KCNIP1: variants seen among roughly 807,000 people sequenced by gnomAD.
KCNIP1 encodes the protein A-type potassium channel modulatory protein KCNIP1.
KCNIP1 carries 18 observed loss-of-function variants against 33.0 expected under a neutral mutation model. The observed-to-expected ratio is 0.55, with a 90% CI of 0.38 to 0.81. The LOEUF is 0.81. Ranked by LOEUF, KCNIP1 falls within the 30% of genes least tolerant of loss-of-function variation. KCNIP1 has a pLI of 0.00. For synonymous variants in KCNIP1, 93 were observed against 98.3 expected (o/e 0.95, Z 0.32); for missense variants, 238 against 271.6 (o/e 0.88, Z 0.87).
At chr5:170,510,817 T>C (rs1241871462) in intron 1 of KCNIP1, among the ~76,000 whole-genome samples, 1 of 151,978 alleles carries the variant, frequency 6.6e-6, no homozygotes, top group Non-Finnish European at 1.5e-5. Flanking sequence ...GATTGCATTA[T>C]GGCTATGAGC....
At chr5:170,435,487 G>A (rs932459473) in intron 1 of KCNIP1, among the ~76,000 whole-genome samples, 1 of 152,230 alleles carries the variant, frequency 6.6e-6, no homozygotes, top group African/African-American at 2.4e-5. Flanking sequence ...CTGGAGAGCG[G>A]GGCTGGACAG....
rs1054536061 is a variant in KCNIP1, at chr5:170,396,809, T to C, written c.88+42845T>C. Among the ~76,000 whole-genome samples the C allele has an allele frequency of 2.0e-4, 30 of 152,200 alleles. 1 individual carries two copies. The highest frequency in any genetic ancestry group is 1.3e-4 in the Admixed American group (2 of 15,288). On this transcript the variant is annotated intron_variant, in intron 1 of 7. Coordinates refer to the KCNIP1 transcript ENST00000377360. ...ATGATAAATGTCTCTTACCAGACCTTAGAAGGTCTGATTAGACTCTTAGTT... is the reference window on the plus strand; with the variant it reads ...ATGATAAATGTCTCTTACCAGACCTCAGAAGGTCTGATTAGACTCTTAGTT...
chr5:170,584,485 G>A (rs373193335), intron 1 of KCNIP1, among the ~76,000 whole-genome samples: 19 of 152,332 alleles, frequency 1.2e-4, no homozygotes, highest in African/African-American at 4.1e-4. Context: ...AAGCCTGAGG[G>A]TCGTGAAAGG....
At chr5:170,697,001 C>T (rs903187927) in intron 1 of KCNIP1, among the ~76,000 whole-genome samples, 5 of 152,068 alleles carry the variant, frequency 3.3e-5, no homozygotes, top group African/African-American at 7.2e-5. Context: ...TCCCTGTACA[C>T]GTAGAATCTG....
chr5:170,551,825 T>A (rs1756648688), intron 1 of KCNIP1, among the ~76,000 whole-genome samples: 1 of 151,752 alleles, frequency 6.6e-6, no homozygotes, highest in African/African-American at 2.4e-5. Flanking sequence ...GTATGTGATG[T>A]TTGAGTGTAC....
chr5:170,603,689 C>T (rs1758786284), intron 1 of KCNIP1, among the ~76,000 whole-genome samples: 1 of 152,088 alleles, frequency 6.6e-6, no homozygotes, highest in South Asian at 2.1e-4. Flanking sequence ...CACAGGGCCA[C>T]ACAAGCAAAG....
chr5:170,460,011 C>A (rs1051604726), intron 1 of KCNIP1, among the ~76,000 whole-genome samples: 3 of 152,098 alleles, frequency 2.0e-5, no homozygotes, highest in Non-Finnish European at 4.4e-5. Flanking sequence ...GGAGACATTG[C>A]AACTGAAAAC....
At position 170,659,314 on chromosome 5, in the gene KCNIP1, A is replaced by G. The variant is rs562764685; in HGVS notation, c.62-59444A>G. ...GGGTGTATGTCAGGATCCCCACAAG[A>G]AACAGAGGGACACCCAAATTAGGGA... is the stretch of plus-strand genomic sequence containing the variant. On this transcript the variant is annotated intron_variant, in intron 1 of 7. Transcript: ENST00000328939. 2.0e-5 allele frequency among the ~76,000 whole-genome samples: 3 copies of G among 152,304 alleles called. No individual in the cohort carries two copies. In the South Asian group the frequency reaches 6.2e-4, roughly 32 times the overall value.
At chr5:170,475,750 T>A (rs1353015882) in intron 1 of KCNIP1, among the ~76,000 whole-genome samples, 1 of 152,118 alleles carries the variant, frequency 6.6e-6, no homozygotes, top group Non-Finnish European at 1.5e-5. Flanking sequence ...CCCACCTCCA[T>A]GTCCTCCCCT....
chr5:170,518,022 A>G (rs1755212259), intron 1 of KCNIP1, among the ~76,000 whole-genome samples: 1 of 151,558 alleles, frequency 6.6e-6, no homozygotes. Flanking sequence ...GACGATAGTG[A>G]TGGTGGTGAT....
intron 1 of KCNIP1, among the ~76,000 whole-genome samples, chr5:170,700,758 G>C (rs10075875): frequency 0.16 from 24,405 of 152,002 alleles, 2,352 homozygotes; most frequent in African/African-American, 0.27. Flanking sequence ...CCTGGGACAC[G>C]CACACAATAG....
intron 1 of KCNIP1, among the ~76,000 whole-genome samples, chr5:170,488,249 C>G (rs2113192608): frequency 6.6e-6 from 1 of 152,254 alleles, no homozygotes; most frequent in South Asian, 2.1e-4. Flanking sequence ...GAAGAGAGTT[C>G]AGGGTTTCAT....
chr5:170,639,537 C>T (rs1198847383), intron 1 of KCNIP1: 3 of 152,198 alleles, frequency 2.0e-5, no homozygotes, highest in Non-Finnish European at 4.4e-5. Flanking sequence ...CCTCCAAACG[C>T]GCTGTTCTCC....
intron 1 of KCNIP1, among the ~76,000 whole-genome samples, chr5:170,471,930 C>A (rs1475248908): frequency 6.6e-6 from 1 of 152,206 alleles, no homozygotes; most frequent in Non-Finnish European, 1.5e-5. Flanking sequence ...ACATCTCCGT[C>A]AGAGGCCTCC....
intron 1 of KCNIP1, among the ~76,000 whole-genome samples, chr5:170,521,455 CCT>C (rs1372439247): frequency 2.0e-5 from 3 of 152,204 alleles, no homozygotes; most frequent in Non-Finnish European, 4.4e-5. Flanking sequence ...TGTTTAAACT[CCT>C]CTTCCAGAGT....
intron 1 of KCNIP1, among the ~76,000 whole-genome samples, chr5:170,423,017 T>G (rs1306682792): frequency 6.6e-6 from 1 of 151,986 alleles, no homozygotes; most frequent in East Asian, 1.9e-4. Context: ...GCCCAGGAGG[T>G]GGAAGCTGCA....
chr5:170,369,979 C>A (rs771078541), intron 1 of KCNIP1, among the ~76,000 whole-genome samples: 1 of 152,062 alleles, frequency 6.6e-6, no homozygotes, highest in Non-Finnish European at 1.5e-5. Context: ...GGGTAGGACC[C>A]TTTTTCCCCA....
At chr5:170,588,948 C>T (rs1469843294) in intron 1 of KCNIP1, among the ~76,000 whole-genome samples, 4 of 151,824 alleles carry the variant, frequency 2.6e-5, no homozygotes, top group Non-Finnish European at 5.9e-5. Flanking sequence ...AATAATTGTG[C>T]CTACCTCTTC....
intron 1 of KCNIP1, among the ~76,000 whole-genome samples, chr5:170,387,527 C>G (rs577404971): frequency 6.6e-6 from 1 of 152,190 alleles, no homozygotes; most frequent in South Asian, 2.1e-4. Context: ...CCCTATCGAT[C>G]GGCAGAGGTG....
Sources: allele counts gnomAD v4.1 joint callset (sites outside exome capture counted in the v4.1 genomes callset), GRCh38; gene constraint gnomAD v4.1.1; transcripts MANE v1.5; gene names NCBI Gene and HGNC (gene_info 2026-07-23, HGNC 2026-07-21).